The following YAP1 variants were observed in gnomAD, a reference collection of about 807,000 sequenced individuals.
YAP1 encodes Yes1 associated transcriptional regulator.
YAP1 carries 5 observed loss-of-function variants against 56.9 expected under a neutral mutation model. The observed-to-expected ratio is 0.09, with a 90% CI of 0.05 to 0.18. YAP1 has a LOEUF of 0.18. YAP1 is among the 10% of genes least tolerant of loss of function. The pLI is 1.00. For synonymous variants in YAP1, 265 were observed against 248.1 expected, an observed-to-expected ratio of 1.07 and a Z score of -0.64; for missense variants, 539 against 651.8, an observed-to-expected ratio of 0.83 and a Z score of 1.88.
At chr11:102,221,943 T>C (rs1448729848) in intron 6 of YAP1, among the ~76,000 whole-genome samples, 1 of 152,108 alleles carries the variant, frequency 6.6e-6, no homozygotes, top group Non-Finnish European at 1.5e-5. Flanking sequence ...CGAAAGTTAA[T>C]GTGTAATTTT....
intron 2 of YAP1, among the ~76,000 whole-genome samples, chr11:102,143,958 A>G (rs138443055): frequency 6.6e-6 from 1 of 152,360 alleles, no homozygotes; most frequent in African/African-American, 2.4e-5. Flanking sequence ...CCTGATTAAG[A>G]TAAAGTGGCC....
At chr11:102,170,182 G>A (rs1040514952) in intron 3 of YAP1, among the ~76,000 whole-genome samples, 14 of 152,114 alleles carry the variant, frequency 9.2e-5, no homozygotes, top group African/African-American at 2.7e-4. Flanking sequence ...CTTTCACTTC[G>A]TCTCCACTGG....
At chr11:102,212,228 T>G (rs1215600815) in intron 6 of YAP1, among the ~76,000 whole-genome samples, 1 of 152,242 alleles carries the variant, frequency 6.6e-6, no homozygotes, top group Admixed American at 6.5e-5. Flanking sequence ...TGTCATTTTC[T>G]AATCGTATAC....
In YAP1 at chr11:102,132,530, G is replaced by A. The variant is rs1187991581; in HGVS notation, c.572+18136G>A. Among the ~76,000 whole-genome samples the A allele has an allele frequency of 2.6e-5, 4 of 152,148 alleles. No individual in the cohort carries two copies. In the East Asian group the frequency reaches 7.7e-4, roughly 29 times the overall value. ...CAGATTGTTTCAAAGTGAGGACTAT[G>A]CATTACACAAACATTGTTAACTATA... On this transcript the variant is annotated intron_variant, in intron 2 of 8. Transcript: ENST00000282441.
chr11:102,226,679 C>T (rs1033045704), intron 7 of YAP1, among the ~76,000 whole-genome samples: 4 of 152,272 alleles, frequency 2.6e-5, no homozygotes, highest in African/African-American at 9.6e-5. Flanking sequence ...TCTGGGAAAC[C>T]TTACTTAGTC....
At chr11:102,137,989 G>A (rs1944783796) in intron 2 of YAP1, among the ~76,000 whole-genome samples, 1 of 152,264 alleles carries the variant, frequency 6.6e-6, no homozygotes, top group Non-Finnish European at 1.5e-5. Flanking sequence ...CCGAGTTCAA[G>A]CAATTCTCTT....
intron 2 of YAP1, among the ~76,000 whole-genome samples, chr11:102,153,208 C>A (rs1351115581): frequency 6.6e-6 from 1 of 152,114 alleles, no homozygotes; most frequent in Non-Finnish European, 1.5e-5. Flanking sequence ...TGTTCCATCC[C>A]TTAAGCCATT....
intron 3 of YAP1, among the ~76,000 whole-genome samples, chr11:102,183,198 A>G (rs1195338844): frequency 6.6e-6 from 1 of 152,224 alleles, no homozygotes; most frequent in African/African-American, 2.4e-5. Context: ...TGTCTCTTGC[A>G]GGATGACTAA....
intron 4 of YAP1, among the ~76,000 whole-genome samples, chr11:102,197,654 G>A (rs1240404436): frequency 2.0e-5 from 3 of 152,052 alleles, no homozygotes; most frequent in Admixed American, 2.0e-4. Flanking sequence ...TTACTATTTC[G>A]TAGTGCAAGA....
At chr11:102,182,747 T>C (rs1050911010) in intron 3 of YAP1, among the ~76,000 whole-genome samples, 14 of 152,238 alleles carry the variant, frequency 9.2e-5, no homozygotes, top group African/African-American at 3.4e-4. Context: ...TCCTTGCCTT[T>C]GGTGCGCAGC....
At position 102,110,593 on chromosome 11, in the gene YAP1, C is replaced by G. The variant is rs1475780609; in HGVS notation, c.-256C>G. On this transcript the variant is annotated 5_prime_UTR_variant, in exon 1 of 9. Coordinates refer to ENST00000282441, the MANE Select transcript of YAP1 (RefSeq NM_001130145.3). ...TTGGAGGGAAAAAGTTCTCAGGCGC[C>G]GCAGGTCCGAGTGCCTCGCAGCCCC... 1 of 225,302 alleles carries G rather than the reference C, an allele frequency of 4.4e-6. No homozygotes were observed. 14.0% of individuals were successfully genotyped at this position (225,302 alleles called of 1,614,324 possible). A position where few individuals can be genotyped will look rare whatever the true frequency, so the allele number is the denominator to read the frequency against.
intron 3 of YAP1, among the ~76,000 whole-genome samples, chr11:102,171,568 A>C (rs11225153): frequency 6.6e-6 from 1 of 152,128 alleles, no homozygotes; most frequent in South Asian, 2.1e-4. Flanking sequence ...GCTAATCTTT[A>C]ATAAATAAAC....
chr11:102,141,065 C>T (rs567313529), intron 2 of YAP1, among the ~76,000 whole-genome samples: 7 of 152,214 alleles, frequency 4.6e-5, no homozygotes, highest in South Asian at 4.2e-4. Flanking sequence ...CCATCTTTTC[C>T]GGAACGATTT....
At chr11:102,191,232 CCT>C (rs1387126921) in intron 4 of YAP1, among the ~76,000 whole-genome samples, 1 of 152,022 alleles carries the variant, frequency 6.6e-6, no homozygotes, top group Non-Finnish European at 1.5e-5. Context: ...CATAATGAGT[CCT>C]CTAATCATCA....
At chr11:102,112,425 C>CTTTTTTTTTTTTTTTTTTTTTT (rs751339753) in intron 1 of YAP1, 21 of 704,128 alleles carry the variant, frequency 3.0e-5, no homozygotes, top group East Asian at 1.6e-4. Context: ...ATTTCTTCTT[C>CTTTTTTTTTTTTTTTTTTTTTT]TTTTTTTTTT....
intron 6 of YAP1, among the ~76,000 whole-genome samples, chr11:102,216,003 C>T (rs542545649): frequency 6.6e-6 from 1 of 152,232 alleles, no homozygotes; most frequent in Non-Finnish European, 1.5e-5. Flanking sequence ...CATACAAGCG[C>T]GCGTGCTAGC....
intron 7 of YAP1, among the ~76,000 whole-genome samples, chr11:102,225,092 C>A (rs988374970): frequency 6.6e-6 from 1 of 151,930 alleles, no homozygotes; most frequent in Non-Finnish European, 1.5e-5. Flanking sequence ...ATCAGTGTTA[C>A]TAATCTAAGG....
At chr11:102,126,228 C>T (rs908464495) in intron 2 of YAP1, among the ~76,000 whole-genome samples, 1 of 152,170 alleles carries the variant, frequency 6.6e-6, no homozygotes, top group South Asian at 2.1e-4. Context: ...TGCCAATTTT[C>T]TAAGCCCAAA....
At chr11:102,126,899 C>G (rs1944066119) in intron 2 of YAP1, among the ~76,000 whole-genome samples, 1 of 152,216 alleles carries the variant, frequency 6.6e-6, no homozygotes, top group Admixed American at 6.5e-5. Flanking sequence ...TTCTTGGGAA[C>G]TGGACCAGAG....
Sources: allele counts gnomAD v4.1 joint callset (sites outside exome capture counted in the v4.1 genomes callset), GRCh38; gene constraint gnomAD v4.1.1; transcripts MANE v1.5; gene names NCBI Gene and HGNC (gene_info 2026-07-23, HGNC 2026-07-21).